Variants in EDDM13 observed in about 807,000 individuals in gnomAD.
EDDM13 encodes the protein epididymal protein 13.
A neutral mutation model predicts 17.8 loss-of-function variants in EDDM13; 24 were observed. The ratio of observed to expected loss-of-function variants is 1.35; its 90% confidence interval spans 0.98 to 1.90. The LOEUF is 1.90. Ranked by LOEUF, EDDM13 falls within the 40% of genes most tolerant of loss-of-function variation. The probability of loss-of-function intolerance (pLI) is 0.00; values close to 1 mark genes in which losing one functional copy is unlikely to be tolerated. For synonymous variants in EDDM13, 31 were observed against 37.5 expected, an observed-to-expected ratio of 0.83 and a Z score of 0.63; for missense variants, 97 against 100.8, an observed-to-expected ratio of 0.96 and a Z score of 0.16.
chr19:56,281,786 G>C, intron 3 of EDDM13, 88 bp downstream of exon 3: 2 of 779,106 alleles, frequency 2.6e-6, no homozygotes, highest in South Asian at 1.2e-4. Context: ...AGGCAAAACT[G>C]CTGACGATCA....
chr19:56,288,693 C>T (rs188694089), intron 7 of EDDM13, among the ~76,000 whole-genome samples, 181 bp from the exon 8 acceptor site: 3 of 152,302 alleles, frequency 2.0e-5, no homozygotes, highest in African/African-American at 7.2e-5. Flanking sequence ...AAGTCTGTGT[C>T]TTCACCCGTA....
intron 12 of EDDM13, among the ~76,000 whole-genome samples, chr19:56,301,368 C>T (rs2040216574): frequency 6.6e-6 from 1 of 152,044 alleles, no homozygotes; most frequent in African/African-American, 2.4e-5. Context: ...CCTGAAGTTG[C>T]CATGCCATCT....
At chr19:56,289,979 C>G (rs376173027) in intron 8 of EDDM13, among the ~76,000 whole-genome samples, 2 of 152,148 alleles carry the variant, frequency 1.3e-5, no homozygotes, top group Admixed American at 6.5e-5. Flanking sequence ...TTGAAGAAAA[C>G]GAATACTGGA....
chr19:56,290,030 C>T (rs776150504), intron 8 of EDDM13, among the ~76,000 whole-genome samples: 5 of 152,340 alleles, frequency 3.3e-5, no homozygotes, highest in Admixed American at 6.5e-5. Flanking sequence ...CCCAAGAGCA[C>T]TGGTCAAATG....
intron 12 of EDDM13, 154 bp from the exon 13 acceptor site, chr19:56,301,814 C>A: frequency 1.3e-6 from 1 of 773,512 alleles, no homozygotes; most frequent in Non-Finnish European, 1.8e-6. Flanking sequence ...AAGGGGGAAG[C>A]TGGCAGTGAT....
chr19:56,293,006 C>T (rs2039621087), intron 9 of EDDM13, among the ~76,000 whole-genome samples: 1 of 152,184 alleles, frequency 6.6e-6, no homozygotes, highest in African/African-American at 2.4e-5. Context: ...CGGCTGAGGA[C>T]ACACTCTTCT....
chr19:56,291,932 C>A (rs1218048878), intron 9 of EDDM13, among the ~76,000 whole-genome samples: 1 of 152,198 alleles, frequency 6.6e-6, no homozygotes, highest in African/African-American at 2.4e-5. Context: ...ACCAGAGCAG[C>A]ACTTTTCAAT....
chr19:56,308,648 C>G (rs1337960746), intron 14 of EDDM13, among the ~76,000 whole-genome samples: 1 of 151,012 alleles, frequency 6.6e-6, no homozygotes, highest in African/African-American at 2.4e-5. Flanking sequence ...CTGATTCCCC[C>G]CAAAACATCA....
At position 56,288,484 on chromosome 19, in the gene EDDM13, G is replaced by T. The variant is rs180711046; in HGVS notation, c.208+46G>T. On this transcript the variant is annotated intron_variant, in intron 7 of 14. Coordinates refer to ENST00000649256, the MANE Select transcript of EDDM13 (RefSeq NM_001354658.2). Reference sequence around the variant, plus strand: ...TATAGGTTCCCATGGAACCCAGCAGGTCTACCCAGAATACTCATCCCAACG... The same window carrying T: ...TATAGGTTCCCATGGAACCCAGCAGTTCTACCCAGAATACTCATCCCAACG... Among the ~76,000 whole-genome samples the T allele has an allele frequency of 3.7e-3, 565 of 152,230 alleles. 4 individuals carry two copies. The highest frequency in any genetic ancestry group is 3.0e-3 in the Non-Finnish European group (203 of 68,028).
At chr19:56,281,412 T>C (rs906574064) in intron 2 of EDDM13, among the ~76,000 whole-genome samples, 5 of 152,200 alleles carry the variant, frequency 3.3e-5, no homozygotes, top group Non-Finnish European at 2.9e-5. Context: ...GTAAGATTAA[T>C]TTCTGAAACT....
At chr19:56,287,694 G>A (rs930517124) in intron 6 of EDDM13, among the ~76,000 whole-genome samples, 1 of 152,312 alleles carries the variant, frequency 6.6e-6, no homozygotes, top group Middle Eastern at 3.4e-3. Context: ...GGAAGTCACA[G>A]ACTCATGGGG....
chr19:56,290,337 T>C (rs764854615), intron 8 of EDDM13, among the ~76,000 whole-genome samples: 3 of 152,234 alleles, frequency 2.0e-5, no homozygotes, highest in Non-Finnish European at 2.9e-5. Context: ...GTAGTTGTCT[T>C]TGTGCTCTAA....
intron 9 of EDDM13, among the ~76,000 whole-genome samples, chr19:56,292,804 T>C (rs1391581719): frequency 6.6e-6 from 1 of 152,218 alleles, no homozygotes; most frequent in African/African-American, 2.4e-5. Context: ...CTCATAGAAG[T>C]AGAATCGTAC....
intron 5 of EDDM13, among the ~76,000 whole-genome samples, chr19:56,284,511 TA>T (rs2038957424): frequency 9.4e-6 from 1 of 106,144 alleles, no homozygotes; most frequent in East Asian, 2.2e-4. Flanking sequence ...ATGCTTGCTG[TA>T]ATTTTTTTTT....
chr19:56,308,639 T>G (rs1305484054), intron 14 of EDDM13, among the ~76,000 whole-genome samples: 1 of 150,626 alleles, frequency 6.6e-6, no homozygotes, highest in Non-Finnish European at 1.5e-5. Flanking sequence ...AAATCATTTC[T>G]GATTCCCCCC....
At chr19:56,277,059 C>T (rs946162050) in intron 2 of EDDM13, among the ~76,000 whole-genome samples, 2 of 152,094 alleles carry the variant, frequency 1.3e-5, no homozygotes, top group African/African-American at 2.4e-5. Context: ...CACTAACTAA[C>T]GTGGAGAAAT....
chr19:56,304,009 A>G (rs2040516733), intron 13 of EDDM13, among the ~76,000 whole-genome samples: 1 of 152,170 alleles, frequency 6.6e-6, no homozygotes. Context: ...AGGTTCTCAT[A>G]GACCACGAGA....
chr19:56,277,532 T>G (rs13339749), intron 2 of EDDM13, among the ~76,000 whole-genome samples: 25 of 133,636 alleles, frequency 1.9e-4, no homozygotes, highest in African/African-American at 3.0e-4. Context: ...TTCCAGGGGG[T>G]GAGGGGTGGG....
intron 7 of EDDM13, among the ~76,000 whole-genome samples, 75 bp from the exon 8 acceptor site, chr19:56,288,799 C>T (rs140669028): frequency 1.5e-3 from 228 of 152,272 alleles, no homozygotes; most frequent in African/African-American, 5.1e-3. Flanking sequence ...GTCTGAGACC[C>T]GTGTCTTAAT....
Sources: gnomAD v4.1 joint callset for allele counts (sites outside exome capture counted in the v4.1 genomes callset) on GRCh38, gnomAD v4.1.1 for gene constraint, MANE v1.5 for transcripts, NCBI Gene and HGNC (gene_info 2026-07-23, HGNC 2026-07-21) for gene names.